LRRC57: variants seen among roughly 807,000 people sequenced by gnomAD.
The protein encoded by LRRC57 is leucine-rich repeat-containing protein 57.
LRRC57 carries 14 observed loss-of-function variants against 23.1 expected under a neutral mutation model. The ratio of observed to expected loss-of-function variants is 0.61; its 90% CI spans 0.40 to 0.95. The LOEUF is 0.95. Ranked by LOEUF, LRRC57 falls within the 40% of genes least tolerant of loss-of-function variation. The pLI, the probability that LRRC57 is intolerant of heterozygous loss-of-function variation, is 0.00. For missense variants in LRRC57, 236 were observed against 284.4 expected (o/e 0.83, Z 1.22); for synonymous variants, 106 against 115.2 (o/e 0.92, Z 0.51).
At chr15:42,531,597 A>G in the LRRC57 span, 1 of 693,796 alleles carries the variant, frequency 1.4e-6, no homozygotes, top group Non-Finnish European at 2.4e-6. Context: ...ATAATATGGA[A>G]GAAGGGCCAG....
the LRRC57 span, among the ~76,000 whole-genome samples, chr15:42,530,940 G>A: frequency 6.6e-6 from 1 of 152,186 alleles, no homozygotes; most frequent in Non-Finnish European, 1.5e-5. Flanking sequence ...AGATGTTGGT[G>A]AGGATGGTAA....
At chr15:42,536,120 A>C (rs189310403), downstream of LRRC57, among the ~76,000 whole-genome samples, 1 of 152,070 alleles carries the variant, frequency 6.6e-6, no homozygotes, top group African/African-American at 2.4e-5. Flanking sequence ...TGGCATCCCA[A>C]AACAGTTAAA....
chr15:42,544,842 C>CTATATATATATATA (rs143066320), intron 5 of LRRC57, among the ~76,000 whole-genome samples: 1 of 98,036 alleles, frequency 1.0e-5, no homozygotes, highest in African/African-American at 6.7e-5. Context: ...CACACACACA[C>CTATATATATATATA]TATATATATA....
chr15:42,537,423 T>C (rs1251600193), downstream of LRRC57, among the ~76,000 whole-genome samples: 1 of 152,178 alleles, frequency 6.6e-6, no homozygotes, highest in East Asian at 1.9e-4. Flanking sequence ...AAAAGAGAAC[T>C]AATTCCCACT....
Position 42,548,425 on chromosome 15 carries a change from T to A in LRRC57, c.10A>T (p.Ser4Cys). Residue 4 changes from serine (S) to cysteine (C), a missense_variant, in exon 2 of 6, where the codon AGT (serine) becomes TGT (cysteine). By Grantham distance (112) the Ser-to-Cys change is moderately radical. Coordinates refer to ENST00000397130, the MANE Select transcript of LRRC57 (RefSeq NM_153260.3). MGN[S>C]ALRAHVETAQ... ...GTTTCCACATGAGCGCGGAGCGCAC[T>A]GTTTCCCATCCTAGCGCCGCGGCTC... 6.2e-7 allele frequency: 1 copy of A among 1,613,944 alleles called. No individual in the cohort carries two copies. Among genetic ancestry groups the A allele is most frequent in the East Asian group, 2.2e-5 (1 of 44,878 alleles).
the LRRC57 span, chr15:42,529,528 G>A: frequency 1.2e-5 from 9 of 738,744 alleles, no homozygotes; most frequent in African/African-American, 7.1e-5. Flanking sequence ...TTTTATTATA[G>A]AATGTTTCCC....
At chr15:42,529,895 C>T in the LRRC57 span, 1 of 1,470,964 alleles carries the variant, frequency 6.8e-7, no homozygotes, top group East Asian at 2.3e-5. Context: ...GTGCTAGATA[C>T]TGTGGGGGAC....
At chr15:42,534,409 G>C (rs1040720064), downstream of LRRC57, among the ~76,000 whole-genome samples, 1 of 152,136 alleles carries the variant, frequency 6.6e-6, no homozygotes, top group African/African-American at 2.4e-5. Context: ...GGTTACAGGC[G>C]TGAGCCACCA....
downstream of LRRC57, among the ~76,000 whole-genome samples, chr15:42,535,710 G>A (rs755140032): frequency 2.6e-5 from 4 of 152,066 alleles, no homozygotes; most frequent in East Asian, 1.9e-4. Flanking sequence ...CAACGCGCCC[G>A]GCTATGACTC....
intron 4 of LRRC57, among the ~76,000 whole-genome samples, chr15:42,545,759 T>A (rs2057655763): frequency 6.6e-6 from 1 of 152,208 alleles, no homozygotes; most frequent in Non-Finnish European, 1.5e-5. Flanking sequence ...ATTTTTGTCC[T>A]TTTTTGGTTT....
At chr15:42,546,177 A>C (rs909066670) in intron 4 of LRRC57, among the ~76,000 whole-genome samples, 3 of 152,210 alleles carry the variant, frequency 2.0e-5, no homozygotes, top group Non-Finnish European at 4.4e-5. Context: ...AAATCATGGG[A>C]ACTTTAATAA....
At chr15:42,534,469 G>A (rs2057590300), downstream of LRRC57, among the ~76,000 whole-genome samples, 1 of 152,176 alleles carries the variant, frequency 6.6e-6, no homozygotes, top group Non-Finnish European at 1.5e-5. Flanking sequence ...ATCCATGAGG[G>A]TTGGAATCAA....
In LRRC57 at chr15:42,542,419, TA is replaced by T. The variant is rs2057635246; in HGVS notation, c.*1663del. On this transcript the variant is annotated 3_prime_UTR_variant, in exon 6 of 6. Coordinates refer to ENST00000397130, the MANE Select transcript of LRRC57 (RefSeq NM_153260.3). ...TCACATGAAGGCATTTCACTACTCA[TA>T]CAATCTGAACATAAGCATGAAACAT... 1 of 152,254 alleles carries T rather than the reference TA, an allele frequency of 6.6e-6. No homozygotes were observed. The highest frequency in any genetic ancestry group is 2.4e-5 in the African/African-American group (1 of 41,466). The allele number at this position is 152,254 out of a possible 1,614,324, so 9.4% of individuals were successfully genotyped here.
the LRRC57 span, chr15:42,531,563 G>C: frequency 1.0e-6 from 1 of 996,340 alleles, no homozygotes; most frequent in Admixed American, 2.1e-5. Flanking sequence ...TAAGTTTTCG[G>C]TTCCACGCTC....
At position 42,548,095 on chromosome 15, in the gene LRRC57, G is replaced by C. The variant is rs746555142; in HGVS notation, c.223+11C>G. Reference sequence around the variant, plus strand: ...GATCACTAGCAAAAGCCTCCCTGGCGAGAGCCATACTCAGTTTGTTGTTGT... The same window carrying C: ...GATCACTAGCAAAAGCCTCCCTGGCCAGAGCCATACTCAGTTTGTTGTTGT... On this transcript the variant is annotated intron_variant, in intron 3 of 5. Coordinates refer to ENST00000397130, the MANE Select transcript of LRRC57 (RefSeq NM_153260.3). 6.2e-7 allele frequency: 1 copy of C among 1,613,914 alleles called. No individual in the cohort carries two copies.
chr15:42,547,331 TTC>T lies in LRRC57; in HGVS notation c.420_421del (p.Asn141ProfsTer7). ...TGAGTCAGGTATACTTCGAATCTGG[TTC>T]TTAGAGAGATCCATCACATCCAGGT... On this transcript the variant is annotated frameshift_variant, in exon 4 of 6. Transcript: ENST00000397130. LOFTEE classifies it high-confidence loss of function. 6.2e-7 allele frequency: 1 copy of T among 1,614,180 alleles called. No individual in the cohort carries two copies. Among genetic ancestry groups the T allele is most frequent in the Non-Finnish European group, 8.5e-7 (1 of 1,180,016 alleles).
intron 1 of LRRC57, 62 bp from the exon 2 acceptor site, chr15:42,548,518 T>C: frequency 7.4e-7 from 1 of 1,348,554 alleles, no homozygotes; most frequent in Non-Finnish European, 1.0e-6. Flanking sequence ...CGGCTGGGGC[T>C]CCTGCCCCAG....
chr15:42,539,694 T>C lies in LRRC57; in HGVS notation c.*4389A>G, dbSNP rs909266953. On this transcript the variant is annotated 3_prime_UTR_variant, in exon 6 of 6. Coordinates refer to ENST00000397130, the MANE Select transcript of LRRC57 (RefSeq NM_153260.3). Reference sequence around the variant, plus strand: ...TCTGGGTCTTTAGACCACAAGCTAGTTTACTTGATTAGCTCATATTTAAAT... The same window carrying C: ...TCTGGGTCTTTAGACCACAAGCTAGCTTACTTGATTAGCTCATATTTAAAT... 5.9e-5 allele frequency: 9 copies of C among 152,170 alleles called. No individual in the cohort carries two copies. Among genetic ancestry groups the C allele is most frequent in the African/African-American group, 2.2e-4 (9 of 41,440 alleles). The allele number at this position is 152,170 out of a possible 1,614,324, so 9.4% of individuals were successfully genotyped here.
intron 5 of LRRC57, among the ~76,000 whole-genome samples, chr15:42,544,840 C>CTATATATATATAT (rs1167773259): frequency 1.7e-4 from 19 of 108,980 alleles, no homozygotes; most frequent in African/African-American, 9.6e-4. Context: ...CACACACACA[C>CTATATATATATAT]ACTATATATA....
Sources: allele counts gnomAD v4.1 joint callset (sites outside exome capture counted in the v4.1 genomes callset), GRCh38; gene constraint gnomAD v4.1.1; transcripts MANE v1.5; gene names NCBI Gene and HGNC (gene_info 2026-07-23, HGNC 2026-07-21).